Variants in WAC observed in about 807,000 individuals in gnomAD.
The protein encoded by WAC is WW domain containing adaptor with coiled-coil.
WAC carries 11 observed loss-of-function variants against 79.6 expected under a neutral mutation model. The ratio of observed to expected loss-of-function variants is 0.14; its 90% CI spans 0.09 to 0.23. WAC has a LOEUF of 0.23. WAC is among the 10% of genes least tolerant of loss of function. The probability of loss-of-function intolerance (pLI) is 1.00; values close to 1 mark genes in which losing one functional copy is unlikely to be tolerated. For missense variants in WAC, 728 were observed against 773.5 expected (o/e 0.94, Z 0.70); for synonymous variants, 304 against 276.9 (o/e 1.10, Z -0.97).
chr10:28,540,137 A>G (rs1564371792), intron 3 of WAC, among the ~76,000 whole-genome samples: 1 of 152,228 alleles, frequency 6.6e-6, no homozygotes, highest in Non-Finnish European at 1.5e-5. Flanking sequence ...TAACATTAGA[A>G]ATGTTGTATA....
intron 10 of WAC, among the ~76,000 whole-genome samples, chr10:28,614,266 C>T (rs968968757): frequency 4.6e-5 from 7 of 152,008 alleles, no homozygotes; most frequent in Admixed American, 6.6e-5. Context: ...CCACTGCGCC[C>T]GGCTAATTTT....
At chr10:28,583,532 G>A in intron 4 of WAC, 27 bp downstream of exon 4, 3 of 1,337,352 alleles carry the variant, frequency 2.2e-6, no homozygotes, top group Non-Finnish European at 3.0e-6. Flanking sequence ...TGTCCAATAT[G>A]GTTTCTTTGG....
At chr10:28,553,928 GTGCTATTT>G (rs1837842600) in intron 3 of WAC, among the ~76,000 whole-genome samples, 2 of 152,104 alleles carry the variant, frequency 1.3e-5, no homozygotes, top group African/African-American at 4.8e-5. Context: ...GAGTGCAGTG[GTGCTATTT>G]TGGCTCACTG....
At chr10:28,601,878 C>T (rs1039522959) in intron 7 of WAC, among the ~76,000 whole-genome samples, 1 of 152,032 alleles carries the variant, frequency 6.6e-6, no homozygotes, top group African/African-American at 2.4e-5. Context: ...TAGTAGTTAC[C>T]AGGGACTGTT....
chr10:28,570,935 T>C (rs1165174766), intron 3 of WAC, among the ~76,000 whole-genome samples: 1 of 148,408 alleles, frequency 6.7e-6, no homozygotes, highest in Non-Finnish European at 1.5e-5. Flanking sequence ...TGTGTTATCC[T>C]TAAAGATATA....
chr10:28,596,068 C>T (rs770202993), intron 7 of WAC, 27 bp downstream of exon 7: 23 of 1,590,478 alleles, frequency 1.4e-5, no homozygotes, highest in Non-Finnish European at 1.8e-5. Flanking sequence ...AGATGCTGCA[C>T]GTTGAACTAT....
chr10:28,568,680 C>T (rs1053308039), intron 3 of WAC, among the ~76,000 whole-genome samples: 3 of 152,096 alleles, frequency 2.0e-5, no homozygotes, highest in Non-Finnish European at 4.4e-5. Flanking sequence ...TCTCCTAATG[C>T]TATCCCTCCC....
chr10:28,598,869 G>A (rs1263068347), intron 7 of WAC, among the ~76,000 whole-genome samples: 1 of 152,166 alleles, frequency 6.6e-6, no homozygotes, highest in Non-Finnish European at 1.5e-5. Context: ...TCTTAAACTT[G>A]TAGGAAGAAA....
chr10:28,599,798 G>C (rs1467553764), intron 7 of WAC, among the ~76,000 whole-genome samples: 1 of 152,144 alleles, frequency 6.6e-6, no homozygotes, highest in African/African-American at 2.4e-5. Context: ...GTTAGGTAGA[G>C]TGAAACAAGG....
chr10:28,557,827 C>T (rs906164446), intron 3 of WAC, among the ~76,000 whole-genome samples: 50 of 152,134 alleles, frequency 3.3e-4, no homozygotes, highest in African/African-American at 1.1e-3. Flanking sequence ...GTAATCCCAG[C>T]GCTTTCAGAG....
intron 3 of WAC, among the ~76,000 whole-genome samples, chr10:28,537,854 T>C (rs1008533533): frequency 1.3e-5 from 2 of 152,214 alleles, no homozygotes; most frequent in Admixed American, 1.3e-4. Flanking sequence ...TTTGCATCTT[T>C]CCTGATGTTT....
chr10:28,533,286 T>C lies in WAC; in HGVS notation c.-294T>C, dbSNP rs1173707181. 6.3e-6 allele frequency: 1 copy of C among 157,760 alleles called. No homozygotes were observed. The highest frequency in any genetic ancestry group is 2.4e-5 in the African/African-American group (1 of 41,132). The allele number at this position is 157,760 out of a possible 1,614,324, so 9.8% of individuals were successfully genotyped here. ...GAGGAGGAGAAGGCGGAGGAGGCAGTCGCTCTCCGCGGGGCTGAGCCGGAC... is the reference window on the plus strand; with the variant it reads ...GAGGAGGAGAAGGCGGAGGAGGCAGCCGCTCTCCGCGGGGCTGAGCCGGAC... On this transcript the variant is annotated 5_prime_UTR_variant, in exon 1 of 14. Coordinates refer to ENST00000354911, the MANE Select transcript of WAC (RefSeq NM_016628.5).
intron 3 of WAC, among the ~76,000 whole-genome samples, chr10:28,547,915 C>CTTTTTTTTTTTTT (rs11408560): frequency 3.5e-4 from 46 of 132,316 alleles, no homozygotes; most frequent in East Asian, 6.6e-4. Context: ...TTCTCTTTTT[C>CTTTTTTTTTTTTT]TTTTTTTTTT....
intron 3 of WAC, among the ~76,000 whole-genome samples, chr10:28,582,364 A>G (rs569700120): frequency 6.6e-6 from 1 of 152,220 alleles, no homozygotes; most frequent in African/African-American, 2.4e-5. Context: ...GATATCTAAA[A>G]CCTTATAGTC....
chr10:28,619,964 A>T lies in WAC; in HGVS notation c.*358A>T. ...TGTCTGCAAAATTAGCTTTTTTAAA[A>T]AAAAAAAAAAAAAAATTGGGGGGGT... On this transcript the variant is annotated 3_prime_UTR_variant, in exon 14 of 14. Coordinates refer to ENST00000354911, the MANE Select transcript of WAC (RefSeq NM_016628.5). The T allele has an allele frequency of 6.5e-6, 1 of 153,822 alleles. No individual in the cohort carries two copies. 9.5% of individuals were successfully genotyped at this position (153,822 alleles called of 1,614,324 possible). A position where few individuals can be genotyped will look rare whatever the true frequency, so the allele number is the denominator to read the frequency against.
intron 3 of WAC, among the ~76,000 whole-genome samples, chr10:28,560,686 A>T (rs918723449): frequency 4.6e-5 from 7 of 152,116 alleles, no homozygotes; most frequent in Middle Eastern, 3.2e-3. Context: ...GAACCTGCAG[A>T]CTCTGTAAAG....
intron 3 of WAC, among the ~76,000 whole-genome samples, chr10:28,564,607 G>T (rs539480636): frequency 6.6e-6 from 1 of 152,238 alleles, no homozygotes; most frequent in East Asian, 1.9e-4. Flanking sequence ...AGACATAAAG[G>T]TTATACTTGG....
At chr10:28,566,063 C>G (rs17389180) in intron 3 of WAC, among the ~76,000 whole-genome samples, 1 of 152,014 alleles carries the variant, frequency 6.6e-6, no homozygotes, top group African/African-American at 2.4e-5. Context: ...AGGCTACTTA[C>G]TCTGCCTTAG....
At chr10:28,607,629 A>G (rs1020560136) in intron 7 of WAC, among the ~76,000 whole-genome samples, 1 of 152,204 alleles carries the variant, frequency 6.6e-6, no homozygotes, top group Non-Finnish European at 1.5e-5. Context: ...TGTAGTTACA[A>G]AACTCAGTTA....
Sources: gnomAD v4.1 joint callset for allele counts (sites outside exome capture counted in the v4.1 genomes callset) on GRCh38, gnomAD v4.1.1 for gene constraint, MANE v1.5 for transcripts, NCBI Gene and HGNC (gene_info 2026-07-23, HGNC 2026-07-21) for gene names.